Variants in DDX10 observed in about 807,000 individuals in gnomAD.
DDX10 encodes DEAD-box helicase 10, also known as probable ATP-dependent RNA helicase DDX10.
In DDX10, 74 loss-of-function variants were observed where a neutral mutation model predicts 104.3. The ratio of observed to expected loss-of-function variants is 0.71; its 90% confidence interval spans 0.59 to 0.86. The LOEUF is 0.86. Ranked by LOEUF, DDX10 falls within the 40% of genes least tolerant of loss-of-function variation. The pLI is 0.00. For missense variants in DDX10, 952 were observed against 1,040.0 expected (o/e 0.92, Z 1.16); for synonymous variants, 351 against 353.4 (o/e 0.99, Z 0.08).
chr11:108,672,332 A>G (rs1229681758), intron 1 of DDX10, among the ~76,000 whole-genome samples: 1 of 152,132 alleles, frequency 6.6e-6, no homozygotes, highest in Non-Finnish European at 1.5e-5. Context: ...TTAGCTGATA[A>G]TACCACGAGT....
intron 6 of DDX10, among the ~76,000 whole-genome samples, chr11:108,686,878 G>C (rs146872140): frequency 6.6e-6 from 1 of 151,942 alleles, no homozygotes; most frequent in Non-Finnish European, 1.5e-5. Context: ...TCTGCCCCTC[G>C]GGTTCATGCC....
At chr11:108,903,590 G>C (rs543268660) in intron 16 of DDX10, among the ~76,000 whole-genome samples, 2 of 152,024 alleles carry the variant, frequency 1.3e-5, no homozygotes, top group African/African-American at 2.4e-5. Flanking sequence ...ATTATATTAG[G>C]TATTATAAGT....
chr11:108,803,797 A>G (rs1565283805), intron 13 of DDX10, among the ~76,000 whole-genome samples: 2 of 152,320 alleles, frequency 1.3e-5, no homozygotes, highest in South Asian at 4.1e-4. Context: ...TTGGTTATAA[A>G]GTGATCTGTA....
At chr11:108,881,423 T>C (rs965068882) in intron 16 of DDX10, among the ~76,000 whole-genome samples, 5 of 152,214 alleles carry the variant, frequency 3.3e-5, no homozygotes, top group African/African-American at 9.6e-5. Flanking sequence ...GGTCTGTCTA[T>C]TTCATAACAG....
intron 13 of DDX10, among the ~76,000 whole-genome samples, chr11:108,829,853 TTA>T (rs758100455): frequency 3.3e-5 from 5 of 152,276 alleles, no homozygotes; most frequent in Non-Finnish European, 7.4e-5. Flanking sequence ...TTTCCTCACT[TTA>T]TGTTTGTTAT....
intron 13 of DDX10, among the ~76,000 whole-genome samples, chr11:108,792,202 G>A (rs1312123211): frequency 6.6e-6 from 1 of 152,074 alleles, no homozygotes; most frequent in African/African-American, 2.4e-5. Context: ...TAAAGTTCTT[G>A]GATTCTGTGG....
chr11:108,898,871 T>C (rs558768548), intron 16 of DDX10, among the ~76,000 whole-genome samples: 1 of 152,140 alleles, frequency 6.6e-6, no homozygotes. Flanking sequence ...GAACTTCCCC[T>C]TTGCCTTCTG....
chr11:108,673,523 G>A lies in DDX10; in HGVS notation c.243G>A (p.Leu81=). 2 of 1,589,166 alleles carry A rather than the reference G, an allele frequency of 1.3e-6. No homozygotes were observed. The highest frequency in any genetic ancestry group is 1.7e-6 in the Non-Finnish European group (2 of 1,158,356). Reference sequence around the variant, plus strand: ...ATTTTCCCTTGTCCAAAAAAACATTGAAAGGTAAGTATATGGTGATCTTGG... The same window carrying A: ...ATTTTCCCTTGTCCAAAAAAACATTAAAAGGTAAGTATATGGTGATCTTGG... ...FSDFPLSKKT[L]KGLQEAQYRL... The change falls in exon 2 of 18, where the codon TTG becomes TTA. Residue 81 remains leucine, a synonymous_variant. Transcript: ENST00000322536.
chr11:108,904,147 A>G (rs1212432966), intron 16 of DDX10, among the ~76,000 whole-genome samples: 1 of 152,126 alleles, frequency 6.6e-6, no homozygotes, highest in African/African-American at 2.4e-5. Context: ...CATTTTATTT[A>G]AAACCAGTGA....
chr11:108,717,230 C>G (rs933486391), intron 11 of DDX10, among the ~76,000 whole-genome samples: 3 of 152,112 alleles, frequency 2.0e-5, no homozygotes, highest in Admixed American at 2.0e-4. Context: ...GATAGGGTAG[C>G]CTGAGCAGAA....
chr11:108,922,291 G>A (rs1260723055), intron 17 of DDX10: 5 of 149,486 alleles, frequency 3.3e-5, no homozygotes, highest in Admixed American at 2.7e-4. Context: ...AGAAGAAAGC[G>A]AAGAAAGCAA....
At chr11:108,670,005 C>A (rs936255477) in intron 1 of DDX10, among the ~76,000 whole-genome samples, 11 of 152,222 alleles carry the variant, frequency 7.2e-5, no homozygotes, top group Admixed American at 2.6e-4. Context: ...CTCCAGAGCT[C>A]TAAGGTAATA....
At chr11:108,671,343 T>C (rs1476130927) in intron 1 of DDX10, among the ~76,000 whole-genome samples, 4 of 152,204 alleles carry the variant, frequency 2.6e-5, no homozygotes, top group Non-Finnish European at 5.9e-5. Flanking sequence ...TTTATAATTT[T>C]AGTAGAGACA....
chr11:108,738,836 C>T (rs1174400382), intron 13 of DDX10, among the ~76,000 whole-genome samples: 1 of 152,158 alleles, frequency 6.6e-6, no homozygotes, highest in Non-Finnish European at 1.5e-5. Flanking sequence ...ACTCATGGCA[C>T]AGCAGGCAGT....
intron 13 of DDX10, among the ~76,000 whole-genome samples, chr11:108,787,581 T>C (rs1861813152): frequency 6.6e-6 from 1 of 152,054 alleles, no homozygotes; most frequent in Non-Finnish European, 1.5e-5. Flanking sequence ...ATTTGAGAAA[T>C]TGGTCCTCAA....
intron 16 of DDX10, among the ~76,000 whole-genome samples, chr11:108,862,875 G>A (rs1862959380): frequency 6.6e-6 from 1 of 152,216 alleles, no homozygotes; most frequent in Non-Finnish European, 1.5e-5. Context: ...CAAGGGTGAT[G>A]AAAGGGACAT....
intron 13 of DDX10, among the ~76,000 whole-genome samples, chr11:108,774,690 A>G (rs1254052349): frequency 6.6e-6 from 1 of 152,096 alleles, no homozygotes; most frequent in Non-Finnish European, 1.5e-5. Flanking sequence ...CTTATGCTGT[A>G]TTCTGTGTTT....
At chr11:108,684,169 AG>A (rs2094239641) in intron 6 of DDX10, among the ~76,000 whole-genome samples, 1 of 39,012 alleles carries the variant, frequency 2.6e-5, no homozygotes, top group Non-Finnish European at 4.8e-5. Context: ...TTAAGGTTAT[AG>A]ATTTTCTTTT....
chr11:108,725,107 G>T (rs975693265), intron 13 of DDX10, among the ~76,000 whole-genome samples: 2 of 151,912 alleles, frequency 1.3e-5, no homozygotes, highest in African/African-American at 4.8e-5. Context: ...TTAGTCTTTT[G>T]TGTCTAGCTT....
Sources: allele counts gnomAD v4.1 joint callset (sites outside exome capture counted in the v4.1 genomes callset), GRCh38; gene constraint gnomAD v4.1.1; transcripts MANE v1.5; gene names NCBI Gene and HGNC (gene_info 2026-07-23, HGNC 2026-07-21).